ROBO2: variants seen among roughly 807,000 people sequenced by gnomAD.
ROBO2 encodes the protein roundabout guidance receptor 2, also known as roundabout homolog 2.
ROBO2 carries 53 observed loss-of-function variants against 160.8 expected under a neutral mutation model. That is an observed-to-expected ratio of 0.33 (90% CI 0.26 to 0.41). The LOEUF is 0.41. ROBO2 is among the 10% of genes least tolerant of loss of function. The pLI is 1.00. For missense variants in ROBO2, 1,577 were observed against 1,722.4 expected, an observed-to-expected ratio of 0.92 and a Z score of 1.49; for synonymous variants, 664 against 611.7, an observed-to-expected ratio of 1.09 and a Z score of -1.26.
At chr3:77,198,316 A>G (rs2082496070) in intron 2 of ROBO2, among the ~76,000 whole-genome samples, 1 of 152,330 alleles carries the variant, frequency 6.6e-6, no homozygotes, top group Middle Eastern at 3.4e-3. Context: ...ATTTAAGTTG[A>G]AACTCAAGGA....
intron 2 of ROBO2, among the ~76,000 whole-genome samples, chr3:76,411,494 G>T (rs571424619): frequency 6.6e-6 from 1 of 152,140 alleles, no homozygotes; most frequent in South Asian, 2.1e-4. Flanking sequence ...GTAAATTTGT[G>T]ATCGCTTCTA....
intron 2 of ROBO2, among the ~76,000 whole-genome samples, chr3:76,323,054 G>T (rs2072698139): frequency 6.6e-6 from 1 of 151,690 alleles, no homozygotes; most frequent in Admixed American, 6.6e-5. Context: ...TATATGCAAA[G>T]TAACTAGCAG....
At chr3:76,786,339 T>TA (rs2062971838) in intron 2 of ROBO2, among the ~76,000 whole-genome samples, 1 of 151,378 alleles carries the variant, frequency 6.6e-6, no homozygotes, top group South Asian at 2.1e-4. Flanking sequence ...GTAATTTATA[T>TA]AAAAAACACA....
intron 2 of ROBO2, among the ~76,000 whole-genome samples, chr3:76,515,768 C>CA (rs1328880415): frequency 2.0e-5 from 3 of 152,074 alleles, no homozygotes; most frequent in African/African-American, 7.2e-5. Context: ...ATGGATAACC[C>CA]ACTCTCTGTC....
intron 2 of ROBO2, among the ~76,000 whole-genome samples, chr3:76,995,129 G>A (rs1201674454): frequency 9.4e-4 from 127 of 134,852 alleles, no homozygotes; most frequent in African/African-American, 3.5e-3. Flanking sequence ...GCCCCAGTGT[G>A]TGATGTCCCC....
intron 2 of ROBO2, among the ~76,000 whole-genome samples, chr3:76,176,895 T>C (rs948070939): frequency 6.6e-5 from 10 of 152,140 alleles, no homozygotes; most frequent in Non-Finnish European, 1.0e-4. Flanking sequence ...GTTAAATGAT[T>C]CTGTAAAACT....
intron 2 of ROBO2, among the ~76,000 whole-genome samples, chr3:76,377,882 A>G (rs1319987233): frequency 6.6e-6 from 1 of 152,148 alleles, no homozygotes; most frequent in East Asian, 1.9e-4. Flanking sequence ...TTACACTGTC[A>G]TCAGTATCGG....
At chr3:77,644,226 A>G (rs1381266058) in intron 24 of ROBO2, among the ~76,000 whole-genome samples, 2 of 152,178 alleles carry the variant, frequency 1.3e-5, no homozygotes, top group African/African-American at 2.4e-5. Flanking sequence ...TCAAAAAGCA[A>G]CATAAATTTT....
chr3:77,353,572 A>G (rs1261146104), intron 2 of ROBO2, among the ~76,000 whole-genome samples: 1 of 152,102 alleles, frequency 6.6e-6, no homozygotes, highest in African/African-American at 2.4e-5. Flanking sequence ...GCACAGTGGC[A>G]TGACCTTGGC....
At chr3:76,739,269 G>C (rs2093762975) in intron 2 of ROBO2, among the ~76,000 whole-genome samples, 1 of 152,094 alleles carries the variant, frequency 6.6e-6, no homozygotes, top group African/African-American at 2.4e-5. Context: ...AGAAAATGTG[G>C]CACATTTACA....
intron 2 of ROBO2, among the ~76,000 whole-genome samples, chr3:76,751,241 A>C (rs1358601090): frequency 1.3e-5 from 2 of 152,184 alleles, no homozygotes; most frequent in African/African-American, 4.8e-5. Context: ...CTGGCTAGCC[A>C]TATGTAGAAA....
At chr3:77,039,702 G>A (rs964748500), upstream of ROBO2, among the ~76,000 whole-genome samples, 76 of 152,104 alleles carry the variant, frequency 5.0e-4, no homozygotes, top group Middle Eastern at 3.4e-3. Context: ...GGGTGGCCGA[G>A]TCCGGAGGTT....
At chr3:76,709,802 C>A (rs932368770) in intron 2 of ROBO2, among the ~76,000 whole-genome samples, 1 of 152,076 alleles carries the variant, frequency 6.6e-6, no homozygotes, top group African/African-American at 2.4e-5. Context: ...AAAATAAAAT[C>A]ATTAAATAGT....
At chr3:75,958,982 G>A (rs1348842687) in intron 2 of ROBO2, among the ~76,000 whole-genome samples, 1 of 151,762 alleles carries the variant, frequency 6.6e-6, no homozygotes, top group African/African-American at 2.4e-5. Context: ...GTCAAGCCAT[G>A]CTTTGCTTTG....
intron 2 of ROBO2, among the ~76,000 whole-genome samples, chr3:76,407,261 C>T (rs1008718607): frequency 5.9e-5 from 9 of 151,928 alleles, no homozygotes; most frequent in African/African-American, 2.2e-4. Context: ...TCCATTTGCT[C>T]ACTTACAACA....
At chr3:76,985,749 A>G (rs1265664413) in intron 2 of ROBO2, among the ~76,000 whole-genome samples, 1 of 152,140 alleles carries the variant, frequency 6.6e-6, no homozygotes, top group Non-Finnish European at 1.5e-5. Context: ...CAGGTGGGAT[A>G]TAATTCAAGC....
intron 2 of ROBO2, among the ~76,000 whole-genome samples, chr3:75,992,693 G>T (rs1199439109): frequency 6.6e-6 from 1 of 152,152 alleles, no homozygotes; most frequent in Non-Finnish European, 1.5e-5. Context: ...TCCACTGAAA[G>T]CTTGCACCAT....
chr3:76,035,008 T>C (rs2067057419), intron 2 of ROBO2, among the ~76,000 whole-genome samples: 1 of 152,052 alleles, frequency 6.6e-6, no homozygotes, highest in Non-Finnish European at 1.5e-5. Context: ...TAACCTTCGC[T>C]CAATACTGTA....
At chr3:76,814,591 C>T (rs2065497296) in intron 2 of ROBO2, among the ~76,000 whole-genome samples, 1 of 138,656 alleles carries the variant, frequency 7.2e-6, no homozygotes, top group East Asian at 2.5e-4. Flanking sequence ...ATAAAAGGAT[C>T]GGTTTTTTTT....
Sources: gnomAD v4.1 joint callset for allele counts (sites outside exome capture counted in the v4.1 genomes callset) on GRCh38, gnomAD v4.1.1 for gene constraint, MANE v1.5 for transcripts, NCBI Gene and HGNC (gene_info 2026-07-23, HGNC 2026-07-21) for gene names.